HDX: variants seen among roughly 807,000 people sequenced by gnomAD.
HDX encodes the protein highly divergent homeobox, also known as chromosome X open reading frame 43.
A neutral mutation model predicts 45.2 loss-of-function variants in HDX; 19 were observed. The observed-to-expected ratio is 0.42, with a 90% CI of 0.29 to 0.62. The LOEUF (loss-of-function observed/expected upper bound fraction) is 0.62, where lower values mean the gene tolerates loss of function less well. Ranked by LOEUF, HDX falls within the 20% of genes least tolerant of loss-of-function variation. HDX has a pLI of 0.20. For missense variants in HDX, 532 were observed against 493.9 expected, an observed-to-expected ratio of 1.08 and a Z score of -0.73; for synonymous variants, 188 against 172.8, an observed-to-expected ratio of 1.09 and a Z score of -0.69.
chrX:84,484,257 C>A (rs1209902165), intron 2 of HDX, among the ~76,000 whole-genome samples: 7 of 111,902 alleles, frequency 6.3e-5, no homozygotes, highest in African/African-American at 2.3e-4. Flanking sequence ...TGTTCTCACG[C>A]TGCTATAAAG....
In HDX at chrX:84,424,864, C is replaced by CA. The variant is rs376188789; in HGVS notation, c.1305+15667dup. 4.7e-3 allele frequency among the ~76,000 whole-genome samples: 502 copies of CA among 106,273 alleles called. 1 individual carries two copies. Among genetic ancestry groups the CA allele is most frequent in the Middle Eastern group, 0.015 (3 of 206 alleles). 92.3% of individuals were successfully genotyped at this position (106,273 alleles called of 115,157 possible). A position where few individuals can be genotyped will look rare whatever the true frequency, so the allele number is the denominator to read the frequency against. On this transcript the variant is annotated intron_variant, in intron 5 of 10. Coordinates refer to ENST00000373177, the MANE Select transcript of HDX (RefSeq NM_001177479.2). The stretch of plus-strand genomic sequence containing the variant: ...GCAAATTATGAAACTACTACTACTA[C>CA]AAAAAAAAAATTGGGAAAAATCTTC...
chrX:84,475,000 T>C (rs929849498), intron 3 of HDX, among the ~76,000 whole-genome samples: 4 of 111,969 alleles, frequency 3.6e-5, no homozygotes, highest in Non-Finnish European at 5.6e-5. Context: ...AATGTATTTA[T>C]TAGTTTAAAA....
At chrX:84,357,774 T>G (rs1741616428) in intron 6 of HDX, among the ~76,000 whole-genome samples, 1 of 112,522 alleles carries the variant, frequency 8.9e-6, no homozygotes, top group Non-Finnish European at 1.9e-5. Flanking sequence ...GGGCACATGG[T>G]TGCTCACAGT....
At chrX:84,465,828 T>C (rs139808221) in intron 4 of HDX, among the ~76,000 whole-genome samples, 1,503 of 111,396 alleles carry the variant, frequency 0.013, 35 homozygotes, top group African/African-American at 0.048. Flanking sequence ...ATAATAATAA[T>C]AGAAAGTTGA....
intron 4 of HDX, 127 bp downstream of exon 4, chrX:84,468,345 C>A: frequency 2.4e-6 from 1 of 416,987 alleles, no homozygotes; most frequent in Non-Finnish European, 4.0e-6. Flanking sequence ...GGAGTTAACC[C>A]CAAACCACCA....
intron 5 of HDX, among the ~76,000 whole-genome samples, chrX:84,438,900 C>T (rs2039696740): frequency 9.0e-6 from 1 of 111,284 alleles, no homozygotes; most frequent in Admixed American, 9.5e-5. Flanking sequence ...GGTATATACC[C>T]AGTAGAGGCA....
At chrX:84,386,410 T>C (rs943552346) in intron 5 of HDX, among the ~76,000 whole-genome samples, 1 of 111,455 alleles carries the variant, frequency 9.0e-6, no homozygotes, top group African/African-American at 3.3e-5. Context: ...TTTTTTGCAA[T>C]AGTTTCATGA....
At chrX:84,497,773 A>T (rs779241730) in intron 1 of HDX, among the ~76,000 whole-genome samples, 1 of 110,648 alleles carries the variant, frequency 9.0e-6, no homozygotes, top group South Asian at 3.8e-4. Flanking sequence ...TTTTTGAAAA[A>T]CAATGAAGAT....
chrX:84,479,540 G>GT (rs202142554), intron 2 of HDX, among the ~76,000 whole-genome samples: 1,169 of 112,003 alleles, frequency 0.01, 22 homozygotes, highest in African/African-American at 0.037. Flanking sequence ...CTGTGTGCAG[G>GT]TAAGTTTTCA....
At chrX:84,487,141 A>T (rs761968220) in intron 2 of HDX, among the ~76,000 whole-genome samples, 2 of 112,097 alleles carry the variant, frequency 1.8e-5, no homozygotes, top group Non-Finnish European at 3.8e-5. Context: ...CTGTAAAAAA[A>T]TTTCAGATAA....
intron 5 of HDX, among the ~76,000 whole-genome samples, chrX:84,375,535 A>T (rs191549946): frequency 8.9e-5 from 10 of 112,360 alleles, no homozygotes; most frequent in African/African-American, 3.2e-4. Context: ...AAAATGTGGC[A>T]CATATACACC....
chrX:84,498,647 T>C (rs951942302), intron 1 of HDX, among the ~76,000 whole-genome samples: 3 of 112,102 alleles, frequency 2.7e-5, no homozygotes, highest in Admixed American at 9.5e-5. Flanking sequence ...CAGAAGGAAA[T>C]AAATGTTTTT....
At chrX:84,471,121 T>C (rs1034501506) in intron 3 of HDX, among the ~76,000 whole-genome samples, 1 of 111,800 alleles carries the variant, frequency 8.9e-6, no homozygotes, top group Non-Finnish European at 1.9e-5. Context: ...GAAGACCACA[T>C]AAATTGTCCA....
chrX:84,338,443 T>C (rs2037014473), intron 7 of HDX, among the ~76,000 whole-genome samples: 1 of 110,699 alleles, frequency 9.0e-6, no homozygotes, highest in Non-Finnish European at 1.9e-5. Flanking sequence ...CTCACATAGT[T>C]ATCCATCCCC....
chrX:84,406,503 C>CAT (rs1292584878), intron 5 of HDX, among the ~76,000 whole-genome samples: 1,248 of 50,664 alleles, frequency 0.025, 20 homozygotes, highest in African/African-American at 0.071. Flanking sequence ...CACACACATA[C>CAT]ACACACACAC....
intron 6 of HDX, among the ~76,000 whole-genome samples, chrX:84,359,392 T>C (rs1488228944): frequency 1.8e-5 from 2 of 109,634 alleles, no homozygotes; most frequent in African/African-American, 6.7e-5. Flanking sequence ...CCTCCTTGTG[T>C]CCATGTGTTC....
chrX:84,358,197 T>A (rs2037533836), intron 6 of HDX, among the ~76,000 whole-genome samples: 1 of 111,849 alleles, frequency 8.9e-6, no homozygotes, highest in African/African-American at 3.2e-5. Context: ...AACACATCAT[T>A]CATAGATGAA....
intron 5 of HDX, among the ~76,000 whole-genome samples, chrX:84,365,037 G>C (rs1216316485): frequency 9.1e-6 from 1 of 110,070 alleles, no homozygotes; most frequent in Non-Finnish European, 1.9e-5. Flanking sequence ...CCATATTTTG[G>C]CTATTGTGAA....
intron 6 of HDX, among the ~76,000 whole-genome samples, chrX:84,358,641 C>T (rs1251718216): frequency 1.8e-5 from 2 of 112,399 alleles, no homozygotes; most frequent in Non-Finnish European, 3.8e-5. Flanking sequence ...AAAAGCAAGA[C>T]TCTGAACAGG....
Sources: allele counts gnomAD v4.1 joint callset (sites outside exome capture counted in the v4.1 genomes callset), GRCh38; gene constraint gnomAD v4.1.1; transcripts MANE v1.5; gene names NCBI Gene and HGNC (gene_info 2026-07-23, HGNC 2026-07-21).